The following RNF17 variants were observed in gnomAD, a reference collection of about 807,000 sequenced individuals.
RNF17 encodes spermatogenesis associated 23.
A neutral mutation model predicts 200.5 loss-of-function variants in RNF17; 31 were observed. The ratio of observed to expected loss-of-function variants is 0.15; its 90% CI spans 0.12 to 0.21. The LOEUF is 0.21. RNF17 is among the 10% of genes least tolerant of loss of function. The probability of loss-of-function intolerance (pLI) is 1.00; values close to 1 mark genes in which losing one functional copy is unlikely to be tolerated. For missense variants in RNF17, 1,628 were observed against 1,905.1 expected (o/e 0.85, Z 2.71); for synonymous variants, 606 against 637.8 (o/e 0.95, Z 0.75).
At chr13:24,865,119 A>C in intron 29 of RNF17, 121 bp downstream of exon 29, 3 of 703,270 alleles carry the variant, frequency 4.3e-6, no homozygotes, top group Non-Finnish European at 6.8e-6. Context: ...AAGAGAGTCT[A>C]GAGGACTTAC....
Position 24,860,884 on chromosome 13 carries a change from T to TA in RNF17, c.3775-384_3775-383insA, listed in dbSNP as rs574889131. ...AGATTTTAAACTTTTCAGATGTCTTTTTTTTTTTTTTGAAACAAGTTCTTC... is the reference window on the plus strand; with the variant it reads ...AGATTTTAAACTTTTCAGATGTCTTTATTTTTTTTTTTGAAACAAGTTCTTC... On this transcript the variant is annotated intron_variant, in intron 26 of 35. Transcript: ENST00000255324. Among the ~76,000 whole-genome samples the TA allele has an allele frequency of 4.0e-4, 60 of 151,420 alleles. No homozygotes were observed. In the East Asian group the frequency reaches 0.011, roughly 27 times the overall value.
At chr13:24,846,184 A>T (rs1313342838) in intron 22 of RNF17, among the ~76,000 whole-genome samples, 1 of 152,204 alleles carries the variant, frequency 6.6e-6, no homozygotes, top group East Asian at 1.9e-4. Flanking sequence ...AGGCTGCCCC[A>T]TCTAATGCTG....
At chr13:24,825,804 A>T in intron 16 of RNF17, 32 bp downstream of exon 16, 1 of 1,592,684 alleles carries the variant, frequency 6.3e-7, no homozygotes, top group Non-Finnish European at 8.6e-7. Context: ...CTACAGGGAG[A>T]TGTCATACTT....
At chr13:24,860,844 A>G (rs761170526) in intron 26 of RNF17, among the ~76,000 whole-genome samples, 1 of 151,936 alleles carries the variant, frequency 6.6e-6, no homozygotes, top group Non-Finnish European at 1.5e-5. Context: ...TTTTTCCTGG[A>G]AATTTTTGAA....
intron 22 of RNF17, among the ~76,000 whole-genome samples, chr13:24,847,362 T>C (rs1377944124): frequency 6.6e-6 from 1 of 150,808 alleles, no homozygotes; most frequent in Non-Finnish European, 1.5e-5. Context: ...TTTTTTTTTT[T>C]TGAGACAGAG....
At chr13:24,811,901 G>A (rs1386794379) in intron 15 of RNF17, among the ~76,000 whole-genome samples, 6 of 152,088 alleles carry the variant, frequency 3.9e-5, no homozygotes, top group East Asian at 1.9e-4. Context: ...GTACCCGGCC[G>A]TGTGAGGTGT....
chr13:24,869,387 A>T (rs1455288298), intron 31 of RNF17, among the ~76,000 whole-genome samples: 1 of 152,228 alleles, frequency 6.6e-6, no homozygotes, highest in Non-Finnish European at 1.5e-5. Flanking sequence ...TAGTTGCTAA[A>T]CAACTATTGC....
intron 29 of RNF17, 142 bp from the exon 30 acceptor site, chr13:24,866,002 T>C (rs1893583750): frequency 1.7e-6 from 1 of 600,562 alleles, no homozygotes; most frequent in Admixed American, 3.4e-5. Context: ...ATTCAGAACA[T>C]TAGATTTTCC....
In RNF17 at chr13:24,800,426, T is replaced by G; in HGVS notation, c.1650T>G (p.Asp550Glu). ...CTAAGCAACATATTGCACTAAATGA[T>G]TTATGTCTGGTTCTAAGGAAATCTG... Reference protein sequence around the residue: ...HSAKQHIALNDLCLVLRKSEP... With the variant: ...HSAKQHIALNELCLVLRKSEP... The change falls in exon 13 of 36, where the codon GAT becomes GAG. Residue 550 changes from aspartate (D) to glutamate (E), a missense_variant. Coordinates refer to ENST00000255324, the MANE Select transcript of RNF17 (RefSeq NM_031277.3). 1 of 1,613,040 alleles carries G rather than the reference T, an allele frequency of 6.2e-7. No homozygotes were observed.
At chr13:24,810,541 A>G (rs1886462948) in intron 15 of RNF17, among the ~76,000 whole-genome samples, 1 of 146,874 alleles carries the variant, frequency 6.8e-6, no homozygotes. Flanking sequence ...GTGTCTCTGC[A>G]CATGAGATGA....
chr13:24,883,496 T>A, downstream of RNF17: 1 of 684,676 alleles, frequency 1.5e-6, no homozygotes, highest in Non-Finnish European at 2.4e-6. Flanking sequence ...TGGTTATCCC[T>A]ATACAATTGT....
chr13:24,787,065 C>T (rs1291680415), intron 6 of RNF17, among the ~76,000 whole-genome samples: 2 of 151,842 alleles, frequency 1.3e-5, no homozygotes, highest in Non-Finnish European at 2.9e-5. Context: ...CAAGTTGGCT[C>T]GTTCTTTCCT....
At chr13:24,783,906 T>C (rs1882762784) in intron 6 of RNF17, among the ~76,000 whole-genome samples, 1 of 152,242 alleles carries the variant, frequency 6.6e-6, no homozygotes, top group East Asian at 1.9e-4. Flanking sequence ...GAACTTTCAT[T>C]ACTGTGTTGC....
intron 2 of RNF17, among the ~76,000 whole-genome samples, chr13:24,769,982 G>A (rs1037549591): frequency 1.3e-5 from 2 of 152,076 alleles, no homozygotes; most frequent in African/African-American, 4.8e-5. Context: ...TTTATTCAAC[G>A]ATAGGATTAT....
intron 15 of RNF17, among the ~76,000 whole-genome samples, chr13:24,815,439 GTGTGT>G: frequency 1.2e-5 from 1 of 82,266 alleles, no homozygotes; most frequent in South Asian, 4.5e-4. Flanking sequence ...GTGTGTGTGT[GTGTGT>G]GTGTGTGTGT....
chr13:24,837,147 T>A (rs192026722), intron 18 of RNF17, among the ~76,000 whole-genome samples: 22 of 152,322 alleles, frequency 1.4e-4, no homozygotes, highest in Non-Finnish European at 2.8e-4. Context: ...TATATAACGG[T>A]AGACGGCCTT....
chr13:24,864,467 G>T (rs1893419896), intron 28 of RNF17, among the ~76,000 whole-genome samples: 1 of 152,134 alleles, frequency 6.6e-6, no homozygotes, highest in Non-Finnish European at 1.5e-5. Flanking sequence ...CATGATTCCT[G>T]CTTTTAGACT....
intron 6 of RNF17, among the ~76,000 whole-genome samples, chr13:24,783,266 T>C (rs927389092): frequency 8.5e-5 from 13 of 152,238 alleles, no homozygotes; most frequent in African/African-American, 2.9e-4. Flanking sequence ...TCTTTCCTTA[T>C]GCTAGTACCA....
At chr13:24,780,318 A>AG (rs1426668857) in intron 5 of RNF17, among the ~76,000 whole-genome samples, 2 of 151,926 alleles carry the variant, frequency 1.3e-5, no homozygotes, top group Non-Finnish European at 2.9e-5. Context: ...AGAGAAAAAA[A>AG]CAACATTGAG....
Sources: allele counts gnomAD v4.1 joint callset (sites outside exome capture counted in the v4.1 genomes callset), GRCh38; gene constraint gnomAD v4.1.1; transcripts MANE v1.5; gene names NCBI Gene and HGNC (gene_info 2026-07-23, HGNC 2026-07-21).